PLCXD3: variants seen among roughly 807,000 people sequenced by gnomAD.
PLCXD3 encodes the protein PI-PLC X domain-containing protein 3.
In PLCXD3, 19 loss-of-function variants were observed where a neutral mutation model predicts 25.5. The ratio of observed to expected loss-of-function variants is 0.75; its 90% CI spans 0.52 to 1.09. PLCXD3 has a LOEUF of 1.09. PLCXD3 is among the 50% of genes least tolerant of loss of function. The probability of loss-of-function intolerance (pLI) is 0.00; values close to 1 mark genes in which losing one functional copy is unlikely to be tolerated. For missense variants in PLCXD3, 411 were observed against 388.1 expected (o/e 1.06, Z -0.50); for synonymous variants, 174 against 137.6 (o/e 1.26, Z -1.85).
chr5:41,337,553 C>A (rs1055702222), intron 2 of PLCXD3, among the ~76,000 whole-genome samples: 3 of 152,144 alleles, frequency 2.0e-5, no homozygotes, highest in African/African-American at 7.2e-5. Flanking sequence ...TCAGAAATTT[C>A]ACTTTCTTTA....
At chr5:41,392,024 T>C (rs1451459371) in intron 1 of PLCXD3, among the ~76,000 whole-genome samples, 2 of 152,138 alleles carry the variant, frequency 1.3e-5, no homozygotes, top group Non-Finnish European at 2.9e-5. Context: ...GAGTGCCGGC[T>C]CAGCTGCAAC....
chr5:41,338,994 G>A (rs910395406), intron 2 of PLCXD3, among the ~76,000 whole-genome samples: 13 of 151,924 alleles, frequency 8.6e-5, no homozygotes, highest in African/African-American at 2.7e-4. Context: ...CTATTTTTTC[G>A]TTAATGTTTC....
intron 1 of PLCXD3, among the ~76,000 whole-genome samples, chr5:41,473,709 G>A (rs1292770075): frequency 6.6e-6 from 1 of 151,968 alleles, no homozygotes; most frequent in Non-Finnish European, 1.5e-5. Context: ...GCTGGCCTCG[G>A]CCTCCCAAAG....
At chr5:41,491,431 C>T (rs1239795391) in intron 1 of PLCXD3, among the ~76,000 whole-genome samples, 1 of 152,130 alleles carries the variant, frequency 6.6e-6, no homozygotes, top group South Asian at 2.1e-4. Flanking sequence ...GTGGAGAGTT[C>T]TGTAGATGTC....
intron 1 of PLCXD3, among the ~76,000 whole-genome samples, chr5:41,428,380 T>G (rs1203165931): frequency 8.4e-6 from 1 of 119,064 alleles, no homozygotes; most frequent in Admixed American, 8.4e-5. Flanking sequence ...ATGAGTTTTT[T>G]TGTTTTTGTT....
At chr5:41,381,721 G>T in intron 2 of PLCXD3, 105 bp downstream of exon 2, 3 of 1,020,484 alleles carry the variant, frequency 2.9e-6, no homozygotes, top group South Asian at 1.8e-5. Context: ...TGCAGCCCCA[G>T]GGACCTAATA....
At chr5:41,452,724 A>AT (rs935240667) in intron 1 of PLCXD3, among the ~76,000 whole-genome samples, 2 of 151,990 alleles carry the variant, frequency 1.3e-5, no homozygotes, top group African/African-American at 2.4e-5. Context: ...ATGGTTAATG[A>AT]TTTTTTTGTG....
At chr5:41,428,901 C>T (rs1747029293) in intron 1 of PLCXD3, among the ~76,000 whole-genome samples, 1 of 151,976 alleles carries the variant, frequency 6.6e-6, no homozygotes, top group Admixed American at 6.6e-5. Context: ...AAAATAACTG[C>T]CAGTTTTAAC....
At chr5:41,314,656 C>T (rs1271092081) in intron 2 of PLCXD3, among the ~76,000 whole-genome samples, 1 of 152,052 alleles carries the variant, frequency 6.6e-6, no homozygotes, top group Non-Finnish European at 1.5e-5. Flanking sequence ...AGCATCCCAG[C>T]TATTGCCATG....
At chr5:41,355,542 C>T (rs533957047) in intron 2 of PLCXD3, among the ~76,000 whole-genome samples, 1 of 152,344 alleles carries the variant, frequency 6.6e-6, no homozygotes, top group East Asian at 1.9e-4. Context: ...TCCACTTATG[C>T]TCCATCCAAG....
chr5:41,317,493 A>G (rs1418377894), intron 2 of PLCXD3, among the ~76,000 whole-genome samples: 1 of 152,148 alleles, frequency 6.6e-6, no homozygotes, highest in Non-Finnish European at 1.5e-5. Flanking sequence ...ATCTGGGGAA[A>G]GGTGACCTCA....
chr5:41,395,253 A>C (rs1248912611), intron 1 of PLCXD3, among the ~76,000 whole-genome samples: 1 of 152,174 alleles, frequency 6.6e-6, no homozygotes, highest in Non-Finnish European at 1.5e-5. Context: ...GTTAGAAAGG[A>C]AATTGAAAAA....
intron 2 of PLCXD3, among the ~76,000 whole-genome samples, chr5:41,336,056 A>T (rs540633196): frequency 3.2e-4 from 49 of 152,274 alleles, no homozygotes; most frequent in African/African-American, 1.0e-3. Flanking sequence ...CAATCGATTC[A>T]GGAAGATCAA....
chr5:41,349,066 C>G (rs1445506997), intron 2 of PLCXD3, among the ~76,000 whole-genome samples: 1 of 152,058 alleles, frequency 6.6e-6, no homozygotes, highest in Non-Finnish European at 1.5e-5. Flanking sequence ...TTGACAATAT[C>G]CATCTACAGA....
intron 1 of PLCXD3, among the ~76,000 whole-genome samples, chr5:41,442,729 G>A (rs1050781323): frequency 5.3e-5 from 8 of 152,142 alleles, no homozygotes; most frequent in South Asian, 4.1e-4. Flanking sequence ...GGGAAAGTCC[G>A]TAAAGTTTTC....
chr5:41,315,717 G>T (rs917209995), intron 2 of PLCXD3, among the ~76,000 whole-genome samples: 6 of 152,192 alleles, frequency 3.9e-5, no homozygotes, highest in African/African-American at 1.4e-4. Context: ...GCAATGGCCT[G>T]TTGTGGAGAG....
intron 2 of PLCXD3, among the ~76,000 whole-genome samples, chr5:41,327,095 T>C (rs1025402145): frequency 1.6e-4 from 25 of 152,146 alleles, no homozygotes; most frequent in Non-Finnish European, 2.9e-5. Context: ...AACTTGGTCA[T>C]GCCTAGGCCC....
chr5:41,490,808 A>G (rs539138810), intron 1 of PLCXD3, among the ~76,000 whole-genome samples: 2 of 152,136 alleles, frequency 1.3e-5, no homozygotes, highest in South Asian at 4.1e-4. Flanking sequence ...TACTGCATCT[A>G]TTTGATTCTT....
At chr5:41,378,448 A>C (rs1387911480) in intron 2 of PLCXD3, among the ~76,000 whole-genome samples, 1 of 152,060 alleles carries the variant, frequency 6.6e-6, no homozygotes, top group Non-Finnish European at 1.5e-5. Context: ...TAGAGGAAAG[A>C]ATTAGTTCTC....
Sources: allele counts gnomAD v4.1 joint callset (sites outside exome capture counted in the v4.1 genomes callset), GRCh38; gene constraint gnomAD v4.1.1; transcripts MANE v1.5; gene names NCBI Gene and HGNC (gene_info 2026-07-23, HGNC 2026-07-21).